NEGR1: variants seen among roughly 807,000 people sequenced by gnomAD.
The protein encoded by NEGR1 is neuronal growth regulator 1.
NEGR1 carries 10 observed loss-of-function variants against 40.9 expected under a neutral mutation model. That is an observed-to-expected ratio of 0.24 (90% CI 0.15 to 0.42). The LOEUF is 0.42. Among genes scored for constraint, NEGR1 ranks in the 10% least tolerant of loss-of-function variants. NEGR1 has a pLI of 1.00. For synonymous variants in NEGR1, 185 were observed against 166.8 expected (o/e 1.11, Z -0.84); for missense variants, 352 against 438.9 (o/e 0.80, Z 1.77).
intron 3 of NEGR1, among the ~76,000 whole-genome samples, chr1:71,745,514 C>A (rs1057022614): frequency 6.6e-6 from 1 of 150,448 alleles, no homozygotes; most frequent in African/African-American, 2.4e-5. Flanking sequence ...CTGAGTGAGA[C>A]ACATCTGTAA....
At chr1:72,187,292 C>T (rs1251831361) in intron 1 of NEGR1, among the ~76,000 whole-genome samples, 1 of 151,316 alleles carries the variant, frequency 6.6e-6, no homozygotes, top group African/African-American at 2.4e-5. Context: ...ATTTTTTTCG[C>T]CACATTTCTG....
rs549829797 is a variant in NEGR1, at chr1:71,653,246, A to G, written c.668-42100T>C. Among the ~76,000 whole-genome samples the G allele has an allele frequency of 3.9e-5, 6 of 152,354 alleles. No homozygotes were observed. In the East Asian group the frequency reaches 1.2e-3, roughly 29 times the overall value. On this transcript the variant is annotated intron_variant, in intron 4 of 6. Coordinates refer to ENST00000357731, the MANE Select transcript of NEGR1 (RefSeq NM_173808.3). Reference sequence around the variant, plus strand: ...CCTCTTTACTCTCCTTTTAATCTACAGTCTTTAATTTAACTAAAATACTTG... The same window carrying G: ...CCTCTTTACTCTCCTTTTAATCTACGGTCTTTAATTTAACTAAAATACTTG...
chr1:71,657,767 G>T (rs1489434372), intron 4 of NEGR1, among the ~76,000 whole-genome samples: 3 of 152,042 alleles, frequency 2.0e-5, no homozygotes, highest in Non-Finnish European at 4.4e-5. Context: ...AGATAATGAG[G>T]AAAAAGTTTG....
chr1:72,069,253 T>C (rs1647360610), intron 1 of NEGR1, among the ~76,000 whole-genome samples: 1 of 151,614 alleles, frequency 6.6e-6, no homozygotes, highest in Admixed American at 6.6e-5. Context: ...CTACTAAAAA[T>C]ACAAAAAACA....
intron 2 of NEGR1, among the ~76,000 whole-genome samples, chr1:71,810,027 G>A (rs1182005787): frequency 6.6e-6 from 1 of 152,098 alleles, no homozygotes; most frequent in African/African-American, 2.4e-5. Flanking sequence ...GGTTGATCCA[G>A]ATGAAGTTGG....
intron 2 of NEGR1, among the ~76,000 whole-genome samples, chr1:71,848,850 G>C (rs1267326541): frequency 6.6e-6 from 1 of 152,158 alleles, no homozygotes; most frequent in Non-Finnish European, 1.5e-5. Flanking sequence ...CACTTTGGGA[G>C]GCCGAGGCGG....
At chr1:71,774,962 T>C (rs1656452134) in intron 3 of NEGR1, among the ~76,000 whole-genome samples, 1 of 152,184 alleles carries the variant, frequency 6.6e-6, no homozygotes, top group African/African-American at 2.4e-5. Context: ...ATGTTATATA[T>C]TTCATTTCTA....
At chr1:72,250,661 T>A (rs2100529560) in intron 1 of NEGR1, among the ~76,000 whole-genome samples, 1 of 152,302 alleles carries the variant, frequency 6.6e-6, no homozygotes, top group South Asian at 2.1e-4. Flanking sequence ...AAAGGGGCTT[T>A]AATAAGAAAA....
At chr1:71,714,905 G>A (rs1654223150) in intron 3 of NEGR1, among the ~76,000 whole-genome samples, 1 of 152,186 alleles carries the variant, frequency 6.6e-6, no homozygotes, top group South Asian at 2.1e-4. Flanking sequence ...TCTTCCAACA[G>A]CTACATTAGG....
At chr1:71,491,847 T>C (rs752101737) in intron 6 of NEGR1, among the ~76,000 whole-genome samples, 1 of 152,134 alleles carries the variant, frequency 6.6e-6, no homozygotes, top group Non-Finnish European at 1.5e-5. Context: ...AATAGAGTGC[T>C]ATGGTTTTTG....
chr1:71,486,310 T>G (rs1362341219), intron 6 of NEGR1: 2 of 151,676 alleles, frequency 1.3e-5, no homozygotes, highest in African/African-American at 4.8e-5. Flanking sequence ...TTTTTATTGT[T>G]GGGTTTTAAG....
chr1:71,405,811 A>G lies in NEGR1; in HGVS notation c.*1635T>C, dbSNP rs1000033849. 1 of 151,916 alleles carries G rather than the reference A, an allele frequency of 6.6e-6. No homozygotes were observed. The highest frequency in any genetic ancestry group is 2.4e-5 in the African/African-American group (1 of 41,324). 9.4% of individuals were successfully genotyped at this position (151,916 alleles called of 1,614,324 possible). On this transcript the variant is annotated 3_prime_UTR_variant, in exon 7 of 7. Transcript: ENST00000357731. ...TTATTATAGGGTCTTTGTTGTTACA[A>G]CTTGTAAAAGGGGACTATTTGTAGA...
chr1:71,884,021 C>T (rs996375325), intron 2 of NEGR1, among the ~76,000 whole-genome samples: 31 of 151,860 alleles, frequency 2.0e-4, no homozygotes, highest in African/African-American at 7.2e-4. Flanking sequence ...TATTATGACT[C>T]TTTTGTATCC....
intron 2 of NEGR1, among the ~76,000 whole-genome samples, chr1:71,817,601 T>G (rs1486949913): frequency 4.6e-5 from 7 of 151,924 alleles, no homozygotes; most frequent in Non-Finnish European, 1.0e-4. Context: ...GGAGCTAGAT[T>G]ATTTCCCACC....
intron 1 of NEGR1, among the ~76,000 whole-genome samples, chr1:72,194,866 C>T (rs1652946277): frequency 6.6e-6 from 1 of 152,068 alleles, no homozygotes. Flanking sequence ...TTCTGCACAT[C>T]TTGAAAGGCC....
chr1:72,119,532 T>C (rs1241771071), intron 1 of NEGR1, among the ~76,000 whole-genome samples: 1 of 151,992 alleles, frequency 6.6e-6, no homozygotes, highest in Admixed American at 6.6e-5. Flanking sequence ...ACTTGTATGA[T>C]ACACAATACT....
chr1:71,682,136 A>G (rs1247412703), intron 4 of NEGR1, among the ~76,000 whole-genome samples: 1 of 152,120 alleles, frequency 6.6e-6, no homozygotes, highest in Non-Finnish European at 1.5e-5. Context: ...CACATTCCAT[A>G]TAATTTTGTA....
chr1:71,918,683 CAA>C (rs10707382), intron 2 of NEGR1, among the ~76,000 whole-genome samples: 35 of 144,386 alleles, frequency 2.4e-4, no homozygotes, highest in East Asian at 8.0e-4. Flanking sequence ...TATGCTGTGC[CAA>C]AAAAAAAAAA....
intron 1 of NEGR1, among the ~76,000 whole-genome samples, chr1:71,982,837 CG>C (rs1275521181): frequency 6.6e-6 from 1 of 151,934 alleles, no homozygotes; most frequent in Non-Finnish European, 1.5e-5. Flanking sequence ...AACTCTATTT[CG>C]AAGAGGAGAA....
Sources: allele counts gnomAD v4.1 joint callset (sites outside exome capture counted in the v4.1 genomes callset), GRCh38; gene constraint gnomAD v4.1.1; transcripts MANE v1.5; gene names NCBI Gene and HGNC (gene_info 2026-07-23, HGNC 2026-07-21).